SAA1: variants seen among roughly 807,000 people sequenced by gnomAD.
SAA1 encodes serum amyloid A1, also known as serum amyloid A-1 protein.
In SAA1, 4 loss-of-function variants were observed where a neutral mutation model predicts 9.8. That is an observed-to-expected ratio of 0.41 (90% CI 0.20 to 0.93). SAA1 has a LOEUF of 0.93. Ranked by LOEUF, SAA1 falls within the 40% of genes least tolerant of loss-of-function variation. The pLI is 0.33. For synonymous variants in SAA1, 47 were observed against 57.7 expected, an observed-to-expected ratio of 0.82 and a Z score of 0.84; for missense variants, 114 against 155.5, an observed-to-expected ratio of 0.73 and a Z score of 1.42.
intron 2 of SAA1, among the ~76,000 whole-genome samples, chr11:18,267,773 CTCTTGGAAGGTGAGAAAGCTGA>C (rs199608948): frequency 0.04 from 4,488 of 112,348 alleles, 1,395 homozygotes; most frequent in Non-Finnish European, 0.064. Context: ...CAATCTTCCT[CTCTTGGAAGGTGAGAAAGCTGA>C]TCTTGGAAGG....
chr11:18,269,906 C>T lies in SAA1; in HGVS notation c.*51C>T, dbSNP rs11821600. 558 of 1,607,794 alleles carry T rather than the reference C, an allele frequency of 3.5e-4. 2 individuals carry two copies. The African/African-American group carries it at 6.2e-3, about 18-fold the overall frequency. On this transcript the variant is annotated 3_prime_UTR_variant, in exon 4 of 4. Transcript: ENST00000356524. The stretch of plus-strand genomic sequence containing the variant: ...AGATCTGGCTGTGAGGCCCTCAGGG[C>T]AGGGATACAAAGCGGGGAGAGGGTA...
At chr11:18,269,011 C>A (rs1272109333) in intron 2 of SAA1, among the ~76,000 whole-genome samples, 184 bp from the exon 3 acceptor site, 4 of 152,048 alleles carry the variant, frequency 2.6e-5, no homozygotes, top group Non-Finnish European at 4.4e-5. Context: ...TTCACCAGGG[C>A]ACTTGAAGAA....
intron 2 of SAA1, among the ~76,000 whole-genome samples, chr11:18,267,601 A>G (rs533759310): frequency 7.7e-6 from 1 of 130,654 alleles, no homozygotes; most frequent in South Asian, 2.5e-4. Context: ...GATAATGTAC[A>G]GGGCTCTTTA....
intron 2 of SAA1, among the ~76,000 whole-genome samples, chr11:18,268,790 AC>A (rs1858114178): frequency 6.9e-6 from 1 of 144,330 alleles, no homozygotes; most frequent in Non-Finnish European, 1.5e-5. Flanking sequence ...CTGAGATAGC[AC>A]CACTGCACTC....
rs1471406760 is a variant in SAA1, at chr11:18,266,905, C to T, written c.18C>T (p.Gly6=). Residue 6 remains glycine (G), a synonymous_variant, in exon 2 of 4, where the codon GGC becomes GGT. Transcript: ENST00000356524. MKLLT[G]LVFCSLVLGV... The stretch of plus-strand genomic sequence containing the variant: ...TCAGCACCATGAAGCTTCTCACGGG[C>T]CTGGTTTTCTGCTCCTTGGTCCTGG... The T allele has an allele frequency of 1.2e-6, 2 of 1,612,462 alleles. No individual in the cohort carries two copies. The highest frequency in any genetic ancestry group is 1.1e-5 in the South Asian group (1 of 90,888).
chr11:18,268,803 A>T (rs1337337238), intron 2 of SAA1, among the ~76,000 whole-genome samples: 1 of 141,286 alleles, frequency 7.1e-6, no homozygotes, highest in African/African-American at 2.7e-5. Context: ...ACTGCACTCC[A>T]GCCTGGGCGA....
At chr11:18,267,871 G>A (rs930809850) in intron 2 of SAA1, among the ~76,000 whole-genome samples, 1 of 141,164 alleles carries the variant, frequency 7.1e-6, no homozygotes, top group Admixed American at 7.3e-5. Flanking sequence ...TCAGCAGGTG[G>A]CAGGGCAGAG....
chr11:18,266,717 C>T (rs1245369280), intron 1 of SAA1, among the ~76,000 whole-genome samples, 167 bp from the exon 2 acceptor site: 2 of 151,636 alleles, frequency 1.3e-5, no homozygotes, highest in Non-Finnish European at 2.9e-5. Flanking sequence ...GGTTCAGAAC[C>T]GAGGGCTTCT....
chr11:18,269,015 T>C (rs1190016597), intron 2 of SAA1, among the ~76,000 whole-genome samples, 180 bp from the exon 3 acceptor site: 3 of 152,080 alleles, frequency 2.0e-5, no homozygotes, highest in Non-Finnish European at 4.4e-5. Context: ...CCAGGGCACT[T>C]GAAGAAGCCA....
chr11:18,269,578 T>G, intron 3 of SAA1, 139 bp from the exon 4 acceptor site: 1 of 1,409,206 alleles, frequency 7.1e-7, no homozygotes, highest in Non-Finnish European at 9.7e-7. Context: ...AATGGGGTGG[T>G]GCCCAGTGTT....
Position 18,269,825 on chromosome 11 carries a change from C to T in SAA1, c.339C>T (p.Phe113=), listed in dbSNP as rs765859609. The T allele has an allele frequency of 3.7e-6, 6 of 1,614,104 alleles. No homozygotes were observed. In the South Asian group the frequency reaches 4.4e-5, roughly 12 times the overall value. ...GGAGTGGCAAAGACCCCAATCACTT[C>T]CGACCTGCTGGCCTGCCTGAGAAAT... is the stretch of plus-strand genomic sequence containing the variant. ...WGRSGKDPNH[F]RPAGLPEKY Residue 113 remains phenylalanine, a synonymous_variant, in exon 4 of 4, where the codon TTC becomes TTT. Transcript: ENST00000356524.
chr11:18,269,241 T>C lies in SAA1; in HGVS notation c.138T>C (p.Asn46=). The C allele has an allele frequency of 6.2e-7, 1 of 1,603,632 alleles. No homozygotes were observed. Among genetic ancestry groups the C allele is most frequent in the Non-Finnish European group, 8.5e-7 (1 of 1,175,180 alleles). ...CCTACTCTGACATGAGAGAAGCCAA[T>C]TACATCGGCTCAGACAAATACTTCC... is the stretch of plus-strand genomic sequence containing the variant. ...WRAYSDMREA[N]YIGSDKYFHA... Residue 46 remains asparagine (N), a synonymous_variant, in exon 3 of 4, where the codon AAT becomes AAC. Transcript: ENST00000356524.
At chr11:18,269,067 G>C in intron 2 of SAA1, 128 bp from the exon 3 acceptor site, 1 of 1,419,030 alleles carries the variant, frequency 7.0e-7, no homozygotes, top group Non-Finnish European at 9.5e-7. Context: ...TGGTATCCAA[G>C]GCTGCTATGA....
chr11:18,268,515 A>T (rs564267182), intron 2 of SAA1, among the ~76,000 whole-genome samples: 2 of 152,140 alleles, frequency 1.3e-5, no homozygotes, highest in African/African-American at 4.8e-5. Flanking sequence ...TCACGTCACA[A>T]TGACGTGTAT....
intron 2 of SAA1, 148 bp from the exon 3 acceptor site, chr11:18,269,047 T>G: frequency 1.5e-6 from 1 of 659,268 alleles, no homozygotes; most frequent in Non-Finnish European, 2.6e-6. Flanking sequence ...GGAATGTGCT[T>G]CTCAACCCAT....
Position 18,269,939 on chromosome 11 carries a change from G to T in SAA1, c.*84G>T, listed in dbSNP as rs1253963644. The T allele has an allele frequency of 1.9e-6, 3 of 1,576,404 alleles. No homozygotes were observed. The highest frequency in any genetic ancestry group is 1.7e-6 in the Non-Finnish European group (2 of 1,162,032). On this transcript the variant is annotated 3_prime_UTR_variant, in exon 4 of 4. Transcript: ENST00000356524. ...CAAAGCGGGGAGAGGGTACACAATG[G>T]GTATCTAATAAATACTTAAGAGGTG...
At chr11:18,269,365 G>T in intron 3 of SAA1, 32 bp downstream of exon 3, 1 of 1,461,418 alleles carries the variant, frequency 6.8e-7, no homozygotes, top group Non-Finnish European at 9.1e-7. Context: ...TTAGGGCTGG[G>T]TGAGCAGAGC....
chr11:18,269,471 C>A, intron 3 of SAA1, 138 bp downstream of exon 3: 1 of 1,485,226 alleles, frequency 6.7e-7, no homozygotes, highest in South Asian at 1.4e-5. Flanking sequence ...TGCCTCTGTG[C>A]TCAGTGTGAG....
chr11:18,269,962 G>A lies in SAA1; in HGVS notation c.*107G>A. On this transcript the variant is annotated 3_prime_UTR_variant, in exon 4 of 4. Coordinates refer to ENST00000356524, the MANE Select transcript of SAA1 (RefSeq NM_199161.5). ...TGGGTATCTAATAAATACTTAAGAGGTGGAATTTGTGGAAACTGGGTGTTA... is the reference window on the plus strand; with the variant it reads ...TGGGTATCTAATAAATACTTAAGAGATGGAATTTGTGGAAACTGGGTGTTA... The A allele has an allele frequency of 6.5e-7, 1 of 1,534,918 alleles. No individual in the cohort carries two copies. Among genetic ancestry groups the A allele is most frequent in the East Asian group, 2.3e-5 (1 of 44,112 alleles).
Sources: gnomAD v4.1 joint callset for allele counts (sites outside exome capture counted in the v4.1 genomes callset) on GRCh38, gnomAD v4.1.1 for gene constraint, MANE v1.5 for transcripts, NCBI Gene and HGNC (gene_info 2026-07-23, HGNC 2026-07-21) for gene names.